The following KLHL1 variants were observed in gnomAD, a reference collection of about 807,000 sequenced individuals.
KLHL1 encodes kelch like family member 1, also known as kelch-like protein 1.
KLHL1 carries 47 observed loss-of-function variants against 77.7 expected under a neutral mutation model. That is an observed-to-expected ratio of 0.60 (90% CI 0.48 to 0.77). KLHL1 has a LOEUF of 0.77. Ranked by LOEUF, KLHL1 falls within the 30% of genes least tolerant of loss-of-function variation. The pLI is 0.00. For synonymous variants in KLHL1, 360 were observed against 325.2 expected, an observed-to-expected ratio of 1.11 and a Z score of -1.15; for missense variants, 925 against 910.8, an observed-to-expected ratio of 1.02 and a Z score of -0.20.
At chr13:69,808,010 G>A (rs923659500) in intron 6 of KLHL1, among the ~76,000 whole-genome samples, 3 of 152,070 alleles carry the variant, frequency 2.0e-5, no homozygotes, top group Non-Finnish European at 4.4e-5. Flanking sequence ...TGTCCCTAAG[G>A]GAGGATAGAG....
intron 6 of KLHL1, among the ~76,000 whole-genome samples, chr13:69,813,469 T>TACACAC (rs200355649): frequency 1.5e-4 from 20 of 130,596 alleles, no homozygotes; most frequent in African/African-American, 5.8e-4. Flanking sequence ...TACACACATA[T>TACACAC]ATACACACAC....
At chr13:69,929,525 C>T (rs1418577877) in intron 4 of KLHL1, among the ~76,000 whole-genome samples, 1 of 151,536 alleles carries the variant, frequency 6.6e-6, no homozygotes, top group Non-Finnish European at 1.5e-5. Context: ...TCTATGTGTA[C>T]CTAGTTGGAA....
intron 2 of KLHL1, among the ~76,000 whole-genome samples, chr13:69,973,001 G>A (rs556574209): frequency 6.6e-6 from 1 of 151,674 alleles, no homozygotes; most frequent in Non-Finnish European, 1.5e-5. Context: ...AATTATCTTG[G>A]GCTATTTGTG....
intron 7 of KLHL1, among the ~76,000 whole-genome samples, chr13:69,787,899 T>A (rs1008122354): frequency 6.6e-6 from 1 of 152,114 alleles, no homozygotes; most frequent in Non-Finnish European, 1.5e-5. Flanking sequence ...AAAAAACACA[T>A]GAAAAAATGC....
At chr13:69,868,561 TA>T (rs1476126595) in intron 5 of KLHL1, among the ~76,000 whole-genome samples, 1 of 152,128 alleles carries the variant, frequency 6.6e-6, no homozygotes, top group Non-Finnish European at 1.5e-5. Flanking sequence ...GCAATAAAAT[TA>T]GGCCTTGTGG....
At chr13:69,931,392 T>A (rs1883000130) in intron 4 of KLHL1, among the ~76,000 whole-genome samples, 1 of 151,798 alleles carries the variant, frequency 6.6e-6, no homozygotes, top group Non-Finnish European at 1.5e-5. Flanking sequence ...GAAGTTTCCC[T>A]ATCATCACAT....
intron 4 of KLHL1, among the ~76,000 whole-genome samples, chr13:69,885,746 A>C (rs914707875): frequency 1.1e-4 from 16 of 152,310 alleles, no homozygotes; most frequent in African/African-American, 3.6e-4. Flanking sequence ...CAAAACCCTG[A>C]TATATGGCCC....
Position 70,107,669 on chromosome 13 carries a change from C to T in KLHL1, c.31G>A (p.Val11Met), listed in dbSNP as rs756483048. 1 of 1,534,290 alleles carries T rather than the reference C, an allele frequency of 6.5e-7. No individual in the cohort carries two copies. The highest frequency in any genetic ancestry group is 8.7e-7 in the Non-Finnish European group (1 of 1,145,418). Residue 11 changes from valine (V) to methionine (M), a missense_variant, in exon 1 of 11, where the codon GTG becomes ATG. Transcript: ENST00000377844. MSGSGRKDFD[V>M]KHILRLRWKL... ...CAGCGGAGTCGCAGAATGTGCTTCA[C>T]ATCGAAGTCTTTTCGCCCAGAGCCT...
chr13:69,993,286 C>T (rs1195255317), intron 1 of KLHL1, among the ~76,000 whole-genome samples: 6 of 152,032 alleles, frequency 3.9e-5, no homozygotes, highest in Non-Finnish European at 7.4e-5. Context: ...AAACAGCATG[C>T]AGTTTATATA....
At chr13:70,046,519 G>A (rs183063743) in intron 1 of KLHL1, among the ~76,000 whole-genome samples, 299 of 152,132 alleles carry the variant, frequency 2.0e-3, no homozygotes, top group Non-Finnish European at 3.5e-3. Flanking sequence ...ACAGAATCTC[G>A]CTCTGTTGCC....
chr13:70,064,378 C>G (rs1886959460), intron 1 of KLHL1, among the ~76,000 whole-genome samples: 1 of 152,080 alleles, frequency 6.6e-6, no homozygotes, highest in Non-Finnish European at 1.5e-5. Context: ...GTACTTACCT[C>G]ACCATAAATA....
chr13:70,027,694 T>C (rs1290415664), intron 1 of KLHL1, among the ~76,000 whole-genome samples: 1 of 145,716 alleles, frequency 6.9e-6, no homozygotes, highest in Non-Finnish European at 1.5e-5. Context: ...CTGTTGTTTG[T>C]CAGCTTGGAG....
At chr13:69,900,434 A>C (rs1881814252) in intron 4 of KLHL1, among the ~76,000 whole-genome samples, 1 of 152,154 alleles carries the variant, frequency 6.6e-6, no homozygotes, top group Non-Finnish European at 1.5e-5. Flanking sequence ...CAGTTATTAG[A>C]ATTTACGGGT....
chr13:69,882,497 T>C lies in KLHL1; in HGVS notation c.1015-2A>G. 1 of 1,601,862 alleles carries C rather than the reference T, an allele frequency of 6.2e-7. No individual in the cohort carries two copies. The highest frequency in any genetic ancestry group is 1.1e-5 in the South Asian group (1 of 90,648). ...TCTGATAACTTCCATTATGTTTTCC[T>C]GCAGGGAGAAAATATCTTGGCATAA... On this transcript the variant is annotated splice_acceptor_variant, in intron 4 of 10. Transcript: ENST00000377844. LOFTEE classifies it high-confidence loss of function.
intron 1 of KLHL1, among the ~76,000 whole-genome samples, chr13:70,101,709 G>A (rs9317878): frequency 0.38 from 57,395 of 151,836 alleles, 11,548 homozygotes; most frequent in South Asian, 0.54. Context: ...GATTACAGGC[G>A]TGAGCCACCA....
chr13:69,792,697 TCATC>T (rs1423784282), intron 7 of KLHL1, among the ~76,000 whole-genome samples: 3 of 152,198 alleles, frequency 2.0e-5, no homozygotes, highest in Admixed American at 1.3e-4. Context: ...GGAATATTGT[TCATC>T]CATAAACGGA....
In KLHL1 at chr13:69,935,698, G is replaced by A. The variant is rs555212304; in HGVS notation, c.1014+4342C>T. ...CACAAGTGAAGTTATGCTTAGTGTT[G>A]TCAAAAAACAGTAAGAAGATCAGTG... On this transcript the variant is annotated intron_variant, in intron 4 of 10. Transcript: ENST00000377844. Among the ~76,000 whole-genome samples the A allele has an allele frequency of 2.0e-5, 3 of 152,208 alleles. No homozygotes were observed. In the East Asian group the frequency reaches 5.8e-4, roughly 29 times the overall value.
rs539683629 is a variant in KLHL1 at position 69,972,995 on chromosome 13, A to T, written c.680+2625T>A. On this transcript the variant is annotated intron_variant, in intron 2 of 10. Transcript: ENST00000377844. The stretch of plus-strand genomic sequence containing the variant: ...TTGGTTTACTTGTTGCTGATCAATT[A>T]TCTTGGGCTATTTGTGAGAAAGTGA... Among the ~76,000 whole-genome samples, 100 of 152,060 alleles carry T rather than the reference A, an allele frequency of 6.6e-4. 1 individual carries two copies. Among genetic ancestry groups the T allele is most frequent in the African/African-American group, 1.9e-3 (79 of 41,564 alleles).
chr13:69,963,273 G>C (rs1239532972), intron 2 of KLHL1, among the ~76,000 whole-genome samples: 1 of 151,836 alleles, frequency 6.6e-6, no homozygotes, highest in Non-Finnish European at 1.5e-5. Context: ...ATTACATTTG[G>C]GTTTAATTGT....
Sources: gnomAD v4.1 joint callset for allele counts (sites outside exome capture counted in the v4.1 genomes callset) on GRCh38, gnomAD v4.1.1 for gene constraint, MANE v1.5 for transcripts, NCBI Gene and HGNC (gene_info 2026-07-23, HGNC 2026-07-21) for gene names.